Variants in IL1RAPL2 observed in about 807,000 individuals in gnomAD.
IL1RAPL2 encodes the protein X-linked interleukin-1 receptor accessory protein-like 2.
A neutral mutation model predicts 44.1 loss-of-function variants in IL1RAPL2; 3 were observed. The ratio of observed to expected loss-of-function variants is 0.07; its 90% CI spans 0.03 to 0.18. The LOEUF is 0.18. Among genes scored for constraint, IL1RAPL2 ranks in the 10% least tolerant of loss-of-function variants. The pLI, the probability that IL1RAPL2 is intolerant of heterozygous loss-of-function variation, is 1.00. For synonymous variants in IL1RAPL2, 181 were observed against 178.8 expected (o/e 1.01, Z -0.10); for missense variants, 391 against 496.4 (o/e 0.79, Z 2.02).
Position 105,660,690 on chromosome X carries a change from C to G in IL1RAPL2, c.773-56677C>G, listed in dbSNP as rs1320209076. The stretch of plus-strand genomic sequence containing the variant: ...TCATTTTGCATGTTTGTTTATGCAA[C>G]CAGTGTTAAATTTTTATCAGTTTTA... On this transcript the variant is annotated intron_variant, in intron 6 of 10. Transcript: ENST00000372582. Among the ~76,000 whole-genome samples, 9 of 111,191 alleles carry G rather than the reference C, an allele frequency of 8.1e-5. No individual in the cohort carries two copies. In the Admixed American group the frequency reaches 8.6e-4, roughly 11 times the overall value.
chrX:104,632,073 T>G (rs1257138445), intron 1 of IL1RAPL2, among the ~76,000 whole-genome samples: 3 of 111,853 alleles, frequency 2.7e-5, no homozygotes, highest in African/African-American at 9.8e-5. Context: ...TAGCCAGTTT[T>G]CCCAGCACCA....
chrX:104,856,811 GCTTTGATT>G (rs1922378116), intron 2 of IL1RAPL2, among the ~76,000 whole-genome samples: 1 of 112,077 alleles, frequency 8.9e-6, no homozygotes, highest in Non-Finnish European at 1.9e-5. Flanking sequence ...CATTTTAATA[GCTTTGATT>G]CATAGATAAA....
At chrX:105,416,554 T>C (rs1041913694) in intron 5 of IL1RAPL2, among the ~76,000 whole-genome samples, 21 of 112,536 alleles carry the variant, frequency 1.9e-4, no homozygotes, top group Middle Eastern at 4.6e-3. Context: ...GTAATGCATG[T>C]AAAGTATTTT....
intron 4 of IL1RAPL2, among the ~76,000 whole-genome samples, chrX:105,237,888 G>A (rs2034135837): frequency 9.0e-6 from 1 of 111,710 alleles, no homozygotes; most frequent in Admixed American, 9.6e-5. Context: ...ATAAAGAAGA[G>A]GATACATTTG....
intron 10 of IL1RAPL2, among the ~76,000 whole-genome samples, chrX:105,765,760 C>G (rs1166663551): frequency 8.9e-6 from 1 of 112,921 alleles, no homozygotes; most frequent in Non-Finnish European, 1.9e-5. Flanking sequence ...AAATATGCAT[C>G]TGTAAAGTAA....
chrX:105,758,183 A>T (rs1344299450), intron 10 of IL1RAPL2, among the ~76,000 whole-genome samples: 2 of 111,706 alleles, frequency 1.8e-5, no homozygotes, highest in Non-Finnish European at 3.8e-5. Flanking sequence ...ACTAGCAATG[A>T]GGCCTTTGAG....
At chrX:104,590,079 C>A (rs1179465686) in intron 1 of IL1RAPL2, among the ~76,000 whole-genome samples, 1 of 111,702 alleles carries the variant, frequency 9.0e-6, no homozygotes, top group Non-Finnish European at 1.9e-5. Flanking sequence ...GAGTCTTACT[C>A]TGTCGCCCAG....
At chrX:104,924,249 G>A (rs1924721651) in intron 2 of IL1RAPL2, among the ~76,000 whole-genome samples, 1 of 111,384 alleles carries the variant, frequency 9.0e-6, no homozygotes, top group South Asian at 3.8e-4. Context: ...CACAAGACAA[G>A]CCATCAAGGT....
At position 105,610,130 on chromosome X, in the gene IL1RAPL2, A is replaced by G. The variant is rs894950051; in HGVS notation, c.773-107237A>G. On this transcript the variant is annotated intron_variant, in intron 6 of 10. Coordinates refer to ENST00000372582, the MANE Select transcript of IL1RAPL2 (RefSeq NM_017416.2). The stretch of plus-strand genomic sequence containing the variant: ...CCGTAGGTGTAACAGCCAAGAATGC[A>G]TATCCATCTTTATGCATTAAGTACT... Among the ~76,000 whole-genome samples the G allele has an allele frequency of 4.5e-5, 5 of 111,624 alleles. No individual in the cohort carries two copies. The South Asian group carries it at 1.9e-3, about 42-fold the overall frequency.
chrX:105,740,282 A>G (rs973111308), intron 7 of IL1RAPL2, among the ~76,000 whole-genome samples: 1 of 112,081 alleles, frequency 8.9e-6, no homozygotes, highest in Non-Finnish European at 1.9e-5. Flanking sequence ...TAAAGAAAAA[A>G]AGAGAGAAGA....
chrX:104,729,006 C>T (rs1453233629), intron 2 of IL1RAPL2, among the ~76,000 whole-genome samples: 1 of 111,226 alleles, frequency 9.0e-6, no homozygotes, highest in Non-Finnish European at 1.9e-5. Context: ...CACCTTTAGA[C>T]TTTAAGTCAA....
intron 3 of IL1RAPL2, among the ~76,000 whole-genome samples, chrX:105,211,943 C>CT (rs1201499913): frequency 2.7e-5 from 3 of 112,199 alleles, no homozygotes; most frequent in Non-Finnish European, 5.6e-5. Flanking sequence ...GGTTACTACG[C>CT]TTTTCCCACA....
chrX:105,745,055 C>T (rs1248054892), intron 8 of IL1RAPL2, among the ~76,000 whole-genome samples: 1 of 111,198 alleles, frequency 9.0e-6, no homozygotes, highest in Non-Finnish European at 1.9e-5. Context: ...AAATTTAGTG[C>T]TCACAATCCT....
intron 2 of IL1RAPL2, among the ~76,000 whole-genome samples, chrX:105,052,366 C>T (rs1187322211): frequency 8.9e-6 from 1 of 112,061 alleles, no homozygotes; most frequent in Non-Finnish European, 1.9e-5. Flanking sequence ...GTAAAGAAAA[C>T]TGGGAAATAT....
intron 2 of IL1RAPL2, among the ~76,000 whole-genome samples, chrX:104,785,929 C>G (rs896227215): frequency 2.7e-5 from 3 of 112,165 alleles, no homozygotes; most frequent in African/African-American, 6.5e-5. Flanking sequence ...ACTGGCTTAG[C>G]TCCTCATCAG....
chrX:105,039,268 A>G (rs777112340), intron 2 of IL1RAPL2, among the ~76,000 whole-genome samples: 2 of 111,942 alleles, frequency 1.8e-5, no homozygotes, highest in African/African-American at 6.5e-5. Context: ...AATGCCATGA[A>G]AATATTAGAA....
chrX:104,848,749 A>G (rs1328663967), intron 2 of IL1RAPL2, among the ~76,000 whole-genome samples: 1 of 109,124 alleles, frequency 9.2e-6, no homozygotes, highest in Non-Finnish European at 1.9e-5. Context: ...ATAGATGAGA[A>G]CTATTTTATA....
At chrX:105,386,614 A>G (rs1321735354) in intron 5 of IL1RAPL2, among the ~76,000 whole-genome samples, 1 of 112,010 alleles carries the variant, frequency 8.9e-6, no homozygotes, top group Non-Finnish European at 1.9e-5. Flanking sequence ...CTATTTTCTT[A>G]ATTTATTTTA....
chrX:105,456,018 A>G (rs1442587958), intron 5 of IL1RAPL2, among the ~76,000 whole-genome samples: 5 of 111,669 alleles, frequency 4.5e-5, no homozygotes, highest in Non-Finnish European at 9.4e-5. Flanking sequence ...TGTAGCTATC[A>G]TTATAGAAAT....
Sources: allele counts gnomAD v4.1 joint callset (sites outside exome capture counted in the v4.1 genomes callset), GRCh38; gene constraint gnomAD v4.1.1; transcripts MANE v1.5; gene names NCBI Gene and HGNC (gene_info 2026-07-23, HGNC 2026-07-21).